LIMS1: variants seen among roughly 807,000 people sequenced by gnomAD.
LIMS1 encodes the protein LIM and senescent cell antigen-like-containing domain protein 1.
Under a neutral mutation model 44.1 loss-of-function variants are expected in LIMS1, and 18 were observed. The ratio of observed to expected loss-of-function variants is 0.41; its 90% CI spans 0.28 to 0.61. LIMS1 has a LOEUF of 0.61. Among genes scored for constraint, LIMS1 ranks in the 20% least tolerant of loss-of-function variants. The pLI is 0.32. For synonymous variants in LIMS1, 93 were observed against 149.1 expected (o/e 0.62, Z 2.74); for missense variants, 201 against 422.0 (o/e 0.48, Z 4.59).
chr2:108,675,847 G>A, intron 5 of LIMS1, 31 bp from the exon 6 acceptor site: 1 of 1,613,862 alleles, frequency 6.2e-7, no homozygotes, highest in Non-Finnish European at 8.5e-7. Flanking sequence ...TTCTCTCTTA[G>A]TATTAAGCTG....
chr2:108,620,293 A>G (rs1319355829), intron 1 of LIMS1, among the ~76,000 whole-genome samples: 3 of 152,220 alleles, frequency 2.0e-5, no homozygotes, highest in African/African-American at 7.2e-5. Flanking sequence ...CTTGTCGAGA[A>G]GGTTCTAAAA....
At chr2:108,673,162 C>T (rs2433831) in intron 5 of LIMS1, 133 bp downstream of exon 5, 13 of 1,344,966 alleles carry the variant, frequency 9.7e-6, no homozygotes, top group South Asian at 1.3e-5. Flanking sequence ...AACCTATAGA[C>T]GAGTCAAGAG....
chr2:108,606,493 C>T (rs960857089), intron 1 of LIMS1, among the ~76,000 whole-genome samples: 2 of 152,186 alleles, frequency 1.3e-5, no homozygotes, highest in Non-Finnish European at 2.9e-5. Context: ...AAGAAAAAAT[C>T]ACAATTTGTA....
chr2:108,678,982 G>A (rs1231588799), intron 8 of LIMS1, among the ~76,000 whole-genome samples: 1 of 152,066 alleles, frequency 6.6e-6, no homozygotes, highest in East Asian at 1.9e-4. Context: ...AACTTCACAG[G>A]ATACTTAAGG....
intron 1 of LIMS1, among the ~76,000 whole-genome samples, chr2:108,649,386 ATTAG>A (rs1225228984): frequency 6.6e-6 from 1 of 152,234 alleles, no homozygotes; most frequent in African/African-American, 2.4e-5. Flanking sequence ...GGGAGTGTAT[ATTAG>A]TTCAACCATT....
intron 8 of LIMS1, among the ~76,000 whole-genome samples, chr2:108,679,373 G>A (rs1270472825): frequency 1.3e-5 from 2 of 151,842 alleles, no homozygotes; most frequent in Admixed American, 6.6e-5. Flanking sequence ...CCAGCTACTC[G>A]GGAGGCTGAG....
intron 1 of LIMS1, among the ~76,000 whole-genome samples, chr2:108,576,011 G>T (rs1027883646): frequency 2.6e-5 from 4 of 152,202 alleles, no homozygotes; most frequent in Non-Finnish European, 5.9e-5. Flanking sequence ...CTGGGAGTGG[G>T]GAAAGGCCTG....
chr2:108,536,264 C>T (rs946909470), intron 1 of LIMS1, among the ~76,000 whole-genome samples: 1 of 152,148 alleles, frequency 6.6e-6, no homozygotes, highest in African/African-American at 2.4e-5. Flanking sequence ...TCATACATGT[C>T]CAGAAATCTT....
At chr2:108,642,358 G>GT (rs1199203526) in intron 1 of LIMS1, among the ~76,000 whole-genome samples, 10 of 18,458 alleles carry the variant, frequency 5.4e-4, no homozygotes, top group Non-Finnish European at 1.5e-3. Flanking sequence ...TTTTTTTTTT[G>GT]TTTTTTGTTT....
chr2:108,627,045 T>A (rs934116088), intron 1 of LIMS1, among the ~76,000 whole-genome samples: 2 of 152,200 alleles, frequency 1.3e-5, no homozygotes, highest in Non-Finnish European at 2.9e-5. Flanking sequence ...TTTAGCTATT[T>A]TATATATACA....
intron 1 of LIMS1, among the ~76,000 whole-genome samples, chr2:108,575,312 T>C (rs904602988): frequency 3.3e-5 from 5 of 152,194 alleles, no homozygotes; most frequent in African/African-American, 1.2e-4. Flanking sequence ...TGTGAGCTAA[T>C]CATTCTTCAA....
At chr2:108,571,493 G>C (rs1204892550) in intron 1 of LIMS1, among the ~76,000 whole-genome samples, 2 of 152,094 alleles carry the variant, frequency 1.3e-5, no homozygotes, top group Non-Finnish European at 2.9e-5. Flanking sequence ...TTATAAACAG[G>C]AAATATACCT....
At chr2:108,671,811 T>C (rs1239236538) in intron 3 of LIMS1, among the ~76,000 whole-genome samples, 1 of 152,208 alleles carries the variant, frequency 6.6e-6, no homozygotes, top group African/African-American at 2.4e-5. Flanking sequence ...AAAATGTGGC[T>C]GTTGAATCAA....
rs146713324 is a variant in LIMS1 at position 108,596,257 on chromosome 2, G to A, written c.32+61663G>A. On this transcript the variant is annotated intron_variant, in intron 1 of 9. Coordinates refer to ENST00000544547, the Ensembl canonical transcript of LIMS1. ...GTTAATTTGTAATTCTTACAAAAGA[G>A]TGTGAGATAAATGAGCATGTGCTGT... 5.0e-3 allele frequency among the ~76,000 whole-genome samples: 766 copies of A among 152,316 alleles called. 5 individuals carry two copies. The highest frequency in any genetic ancestry group is 0.017 in the African/African-American group (727 of 41,552).
At chr2:108,571,688 A>G (rs958146371) in intron 1 of LIMS1, among the ~76,000 whole-genome samples, 1 of 152,218 alleles carries the variant, frequency 6.6e-6, no homozygotes, top group African/African-American at 2.4e-5. Context: ...AGTAGGAATG[A>G]GTGTTTTAGA....
At chr2:108,584,371 A>AGACTTTTCCTTGGGT (rs1214059070) in intron 1 of LIMS1, among the ~76,000 whole-genome samples, 1 of 152,098 alleles carries the variant, frequency 6.6e-6, no homozygotes, top group Non-Finnish European at 1.5e-5. Context: ...GTTTCCCCCT[A>AGACTTTTCCTTGGGT]GACTTTTCCT....
At chr2:108,564,041 C>CA (rs201454363) in intron 1 of LIMS1, among the ~76,000 whole-genome samples, 41,062 of 92,118 alleles carry the variant, frequency 0.45, 8,980 homozygotes, top group East Asian at 0.9. Flanking sequence ...GACCCTGTCT[C>CA]AAAAAAAAAA....
intron 1 of LIMS1, among the ~76,000 whole-genome samples, chr2:108,642,483 C>T (rs1423093254): frequency 6.6e-6 from 1 of 151,168 alleles, no homozygotes; most frequent in African/African-American, 2.4e-5. Flanking sequence ...CCTCAGCCTC[C>T]CGAGTAGCTG....
intron 1 of LIMS1, chr2:108,621,256 T>C: frequency 1.1e-5 from 16 of 1,514,706 alleles, no homozygotes; most frequent in Non-Finnish European, 1.4e-5. Context: ...GAGTCAGGTG[T>C]GCTGAGGTCC....
Sources: allele counts gnomAD v4.1 joint callset (sites outside exome capture counted in the v4.1 genomes callset), GRCh38; gene constraint gnomAD v4.1.1; transcripts MANE v1.5; gene names NCBI Gene and HGNC (gene_info 2026-07-23, HGNC 2026-07-21).